SMURF1: variants seen among roughly 807,000 people sequenced by gnomAD.
SMURF1 encodes E3 ubiquitin-protein ligase SMURF1.
Under a neutral mutation model 98.0 loss-of-function variants are expected in SMURF1, and 44 were observed. That is an observed-to-expected ratio of 0.45 (90% confidence interval 0.35 to 0.58). The LOEUF (loss-of-function observed/expected upper bound fraction) is 0.58. Among genes scored for constraint, SMURF1 ranks in the 20% least tolerant of loss-of-function variants. The pLI is 0.00. For missense variants in SMURF1, 687 were observed against 938.4 expected (o/e 0.73, Z 3.50); for synonymous variants, 396 against 374.9 (o/e 1.06, Z -0.65).
chr7:99,119,775 C>G (rs1000983533), intron 1 of SMURF1, among the ~76,000 whole-genome samples: 8 of 152,302 alleles, frequency 5.3e-5, no homozygotes, highest in African/African-American at 1.9e-4. Context: ...AAGGAGCTTT[C>G]AAACACCATT....
chr7:99,057,809 T>A (rs1354751143), intron 3 of SMURF1, among the ~76,000 whole-genome samples: 1 of 151,928 alleles, frequency 6.6e-6, no homozygotes, highest in Non-Finnish European at 1.5e-5. Context: ...TGTGGCCAGG[T>A]TGGTCTTGAA....
At chr7:99,059,542 T>A (rs913831005) in intron 3 of SMURF1, among the ~76,000 whole-genome samples, 1 of 152,128 alleles carries the variant, frequency 6.6e-6, no homozygotes, top group African/African-American at 2.4e-5. Flanking sequence ...AAAACTATAT[T>A]TTCTCTTGCA....
At chr7:99,137,576 G>A (rs1024737726) in intron 1 of SMURF1, among the ~76,000 whole-genome samples, 3 of 152,210 alleles carry the variant, frequency 2.0e-5, no homozygotes, top group Admixed American at 6.5e-5. Flanking sequence ...CAAGCTGCAA[G>A]TTGGGCTCCG....
intron 1 of SMURF1, among the ~76,000 whole-genome samples, chr7:99,086,163 T>C (rs1796673853): frequency 6.8e-6 from 1 of 147,954 alleles, no homozygotes; most frequent in Non-Finnish European, 1.5e-5. Context: ...CTGGCCAACA[T>C]GGTGAAACTC....
chr7:99,084,103 C>T (rs905809810), intron 1 of SMURF1, among the ~76,000 whole-genome samples: 3 of 152,318 alleles, frequency 2.0e-5, no homozygotes, highest in South Asian at 4.1e-4. Flanking sequence ...ACTCACTGTC[C>T]AGTGACTTCT....
rs74348528 is a variant in SMURF1 at position 99,094,245 on chromosome 7, A to G, written c.56-32408T>C. On this transcript the variant is annotated intron_variant, in intron 1 of 17. Coordinates refer to ENST00000361368, the MANE Select transcript of SMURF1 (RefSeq NM_181349.3). ...GAATAGCTTTCTATATCACAAAGAG[A>G]ATGTCTCTATTAATTGAAAACACTC... is the stretch of plus-strand genomic sequence containing the variant. Among the ~76,000 whole-genome samples the G allele has an allele frequency of 2.8e-3, 434 of 152,338 alleles. 1 individual carries two copies. Among genetic ancestry groups the G allele is most frequent in the African/African-American group, 9.9e-3 (410 of 41,566 alleles).
chr7:99,054,012 C>T (rs1320055165), intron 6 of SMURF1, among the ~76,000 whole-genome samples: 2 of 152,124 alleles, frequency 1.3e-5, no homozygotes, highest in Non-Finnish European at 2.9e-5. Flanking sequence ...TTCACTGCAA[C>T]TTCAAACTCC....
At chr7:99,080,097 G>A (rs1796548885) in intron 1 of SMURF1, among the ~76,000 whole-genome samples, 1 of 151,756 alleles carries the variant, frequency 6.6e-6, no homozygotes, top group South Asian at 2.1e-4. Flanking sequence ...AAACCACAAG[G>A]AACAATTTTA....
intron 15 of SMURF1, 149 bp downstream of exon 15, chr7:99,036,918 T>G: frequency 8.6e-7 from 1 of 1,169,040 alleles, no homozygotes; most frequent in Non-Finnish European, 1.2e-6. Context: ...TCCCCACTCT[T>G]GCTCCAGCCC....
At position 99,030,015 on chromosome 7, in the gene SMURF1, A is replaced by C. The variant is rs1232545862; in HGVS notation, c.*569T>G. On this transcript the variant is annotated 3_prime_UTR_variant, in exon 18 of 18. Transcript: ENST00000361368. Reference sequence around the variant, plus strand: ...TTTGACTCAAGCTTCCTGCTGTGGCAGAATTCCAATAAGCATACATTATAT... The same window carrying C: ...TTTGACTCAAGCTTCCTGCTGTGGCCGAATTCCAATAAGCATACATTATAT... The C allele has an allele frequency of 6.6e-6, 1 of 152,298 alleles. No individual in the cohort carries two copies. The highest frequency in any genetic ancestry group is 1.5e-5 in the Non-Finnish European group (1 of 68,076). 9.4% of individuals were successfully genotyped at this position (152,298 alleles called of 1,614,324 possible). A position where few individuals can be genotyped will look rare whatever the true frequency, so the allele number is the denominator to read the frequency against.
At chr7:99,115,218 T>C (rs922585484) in intron 1 of SMURF1, among the ~76,000 whole-genome samples, 1 of 151,848 alleles carries the variant, frequency 6.6e-6, no homozygotes, top group Non-Finnish European at 1.5e-5. Flanking sequence ...TTTGAAAAGA[T>C]CAATAAAACT....
At chr7:99,033,686 T>TG (rs1380843311) in intron 16 of SMURF1, among the ~76,000 whole-genome samples, 1 of 152,218 alleles carries the variant, frequency 6.6e-6, no homozygotes, top group Non-Finnish European at 1.5e-5. Context: ...ACCCTGACCA[T>TG]GGGCCTGCTC....
intron 1 of SMURF1, among the ~76,000 whole-genome samples, chr7:99,105,610 A>G (rs1206931025): frequency 2.0e-5 from 3 of 152,224 alleles, no homozygotes; most frequent in African/African-American, 7.2e-5. Context: ...TTTGCCCAAG[A>G]TAACACAGCT....
chr7:99,091,011 C>T (rs1358316820), intron 1 of SMURF1, among the ~76,000 whole-genome samples: 1 of 152,190 alleles, frequency 6.6e-6, no homozygotes, highest in African/African-American at 2.4e-5. Context: ...TCAGTTTACT[C>T]AGTATCCATG....
At chr7:99,128,231 T>G (rs1255808993) in intron 1 of SMURF1, among the ~76,000 whole-genome samples, 7 of 152,232 alleles carry the variant, frequency 4.6e-5, no homozygotes, top group Non-Finnish European at 1.5e-5. Context: ...CTGGGGCTTA[T>G]GACAAGATGA....
At chr7:99,132,629 G>A (rs1487561002) in intron 1 of SMURF1, among the ~76,000 whole-genome samples, 1 of 151,780 alleles carries the variant, frequency 6.6e-6, no homozygotes, top group Non-Finnish European at 1.5e-5. Context: ...TTAGGCTGAA[G>A]GCCTGAATGA....
intron 1 of SMURF1, among the ~76,000 whole-genome samples, chr7:99,130,527 C>A (rs1370853767): frequency 6.6e-6 from 1 of 152,146 alleles, no homozygotes; most frequent in Non-Finnish European, 1.5e-5. Context: ...AAATTGACAA[C>A]AAAATTTATG....
intron 1 of SMURF1, among the ~76,000 whole-genome samples, chr7:99,125,602 C>G (rs1181778921): frequency 6.6e-6 from 1 of 152,196 alleles, no homozygotes; most frequent in Non-Finnish European, 1.5e-5. Context: ...AGTAGCACAA[C>G]AGCAGTCATC....
In SMURF1 at chr7:99,073,607, A is replaced by T. The variant is rs182376429; in HGVS notation, c.56-11770T>A. Among the ~76,000 whole-genome samples the T allele has an allele frequency of 1.6e-3, 241 of 152,184 alleles. 6 individuals are homozygous for T. Among genetic ancestry groups the T allele is most frequent in the Admixed American group, 0.015 (229 of 15,278 alleles). Reference sequence around the variant, plus strand: ...TGGTGAAACCCCGTCTCTACCAAAAATATAAAGAATTAGCTGGGTATGGTG... The same window carrying T: ...TGGTGAAACCCCGTCTCTACCAAAATTATAAAGAATTAGCTGGGTATGGTG... On this transcript the variant is annotated intron_variant, in intron 1 of 17. Transcript: ENST00000361368.
Sources: gnomAD v4.1 joint callset for allele counts (sites outside exome capture counted in the v4.1 genomes callset) on GRCh38, gnomAD v4.1.1 for gene constraint, MANE v1.5 for transcripts, NCBI Gene and HGNC (gene_info 2026-07-23, HGNC 2026-07-21) for gene names.